Variants in PLEKHA5 observed in about 807,000 individuals in gnomAD.
The protein encoded by PLEKHA5 is pleckstrin homology domain-containing family A member 5.
A neutral mutation model predicts 181.9 loss-of-function variants in PLEKHA5; 55 were observed. The ratio of observed to expected loss-of-function variants is 0.30; its 90% confidence interval spans 0.24 to 0.38. PLEKHA5 has a LOEUF of 0.38. Among genes scored for constraint, PLEKHA5 ranks in the 10% least tolerant of loss-of-function variants. PLEKHA5 has a pLI of 1.00. For missense variants in PLEKHA5, 1,432 were observed against 1,549.5 expected (o/e 0.92, Z 1.27); for synonymous variants, 535 against 529.4 (o/e 1.01, Z -0.15).
Position 19,293,087 on chromosome 12 carries a change from C to T in PLEKHA5, c.2037+1390C>T, listed in dbSNP as rs1451492632. 4.6e-5 allele frequency among the ~76,000 whole-genome samples: 7 copies of T among 152,028 alleles called. No individual in the cohort carries two copies. The East Asian group carries it at 1.3e-3, about 29-fold the overall frequency. ...TTTTTTTATATAAATCAAGCTAAAA[C>T]TTATTCTAGCTTGTTTCAAAATGTC... On this transcript the variant is annotated intron_variant, in intron 15 of 31. Transcript: ENST00000429027.
At chr12:19,317,293 AACTGTGATTACGATTACACC>A (rs2089201875) in intron 16 of PLEKHA5, among the ~76,000 whole-genome samples, 1 of 152,032 alleles carries the variant, frequency 6.6e-6, no homozygotes, top group Non-Finnish European at 1.5e-5. Context: ...AGCTGCAATG[AACTGTGATTACGATTACACC>A]ACTGTGCTCT....
intron 15 of PLEKHA5, among the ~76,000 whole-genome samples, chr12:19,313,950 A>G (rs1223007594): frequency 2.0e-5 from 3 of 152,182 alleles, no homozygotes; most frequent in African/African-American, 4.8e-5. Context: ...CAACCACGAT[A>G]GAAATGCTTA....
intron 3 of PLEKHA5, among the ~76,000 whole-genome samples, chr12:19,209,999 C>T (rs749407745): frequency 4.6e-5 from 7 of 152,212 alleles, no homozygotes; most frequent in Non-Finnish European, 8.8e-5. Context: ...TCTCATCATC[C>T]TGTTTTGGCT....
At chr12:19,289,940 A>T (rs530714608) in intron 13 of PLEKHA5, among the ~76,000 whole-genome samples, 1 of 151,528 alleles carries the variant, frequency 6.6e-6, no homozygotes, top group African/African-American at 2.4e-5. Context: ...ATTTTTATTT[A>T]TTTTTTTATT....
intron 3 of PLEKHA5, among the ~76,000 whole-genome samples, chr12:19,197,250 T>G (rs2053029180): frequency 6.6e-6 from 1 of 152,180 alleles, no homozygotes; most frequent in Non-Finnish European, 1.5e-5. Flanking sequence ...TCTGGCCCTT[T>G]TCTCACTGCT....
intron 3 of PLEKHA5, among the ~76,000 whole-genome samples, chr12:19,174,621 C>G (rs564649529): frequency 4.9e-4 from 74 of 152,242 alleles, no homozygotes; most frequent in Non-Finnish European, 8.4e-4. Flanking sequence ...TTTCATTTTA[C>G]TGACCGATGA....
At chr12:19,195,783 C>T (rs573201503) in intron 3 of PLEKHA5, among the ~76,000 whole-genome samples, 136 of 149,814 alleles carry the variant, frequency 9.1e-4, no homozygotes, top group African/African-American at 3.1e-3. Flanking sequence ...TATATATATA[C>T]ACATACATAC....
chr12:19,232,764 G>A (rs2060826761), intron 3 of PLEKHA5, among the ~76,000 whole-genome samples: 1 of 152,100 alleles, frequency 6.6e-6, no homozygotes, highest in African/African-American at 2.4e-5. Context: ...AGAAAACCAA[G>A]ATGATAGCAT....
chr12:19,207,068 A>C (rs2055723784), intron 3 of PLEKHA5, among the ~76,000 whole-genome samples: 1 of 152,172 alleles, frequency 6.6e-6, no homozygotes, highest in South Asian at 2.1e-4. Flanking sequence ...AAAATATTTC[A>C]AGTGTATAAA....
intron 22 of PLEKHA5, among the ~76,000 whole-genome samples, chr12:19,344,472 T>C (rs1221599567): frequency 6.6e-6 from 1 of 152,240 alleles, no homozygotes; most frequent in Admixed American, 6.5e-5. Context: ...AATATATTTA[T>C]CCATTTCCAT....
Position 19,229,329 on chromosome 12 carries a change from G to A in PLEKHA5, c.228-24611G>A, listed in dbSNP as rs372211546. ...CAAGAATGAAGCCGCGGACCCTTGCGGTGAGTGTTACAGTTCTTAAAGGTG... is the reference window on the plus strand; with the variant it reads ...CAAGAATGAAGCCGCGGACCCTTGCAGTGAGTGTTACAGTTCTTAAAGGTG... On this transcript the variant is annotated intron_variant, in intron 3 of 31. Coordinates refer to ENST00000429027, the MANE Select transcript of PLEKHA5 (RefSeq NM_001256470.2). Among the ~76,000 whole-genome samples, 120 of 152,220 alleles carry A rather than the reference G, an allele frequency of 7.9e-4. 1 individual carries two copies. Among genetic ancestry groups the A allele is most frequent in the African/African-American group, 2.6e-3 (106 of 41,540 alleles).
At chr12:19,329,588 C>G (rs2092642063) in intron 20 of PLEKHA5, among the ~76,000 whole-genome samples, 1 of 152,080 alleles carries the variant, frequency 6.6e-6, no homozygotes, top group African/African-American at 2.4e-5. Flanking sequence ...AGGAATTTAT[C>G]TATTTCATCT....
At chr12:19,319,221 A>G (rs868630570) in intron 16 of PLEKHA5, among the ~76,000 whole-genome samples, 1 of 152,210 alleles carries the variant, frequency 6.6e-6, no homozygotes, top group Non-Finnish European at 1.5e-5. Context: ...TTCATTTTTC[A>G]TGTAATATTC....
intron 3 of PLEKHA5, among the ~76,000 whole-genome samples, chr12:19,202,381 A>G (rs147843997): frequency 1.1e-3 from 174 of 152,218 alleles, no homozygotes; most frequent in African/African-American, 4.0e-3. Context: ...CATCACCTTA[A>G]AACAAGACTC....
intron 3 of PLEKHA5, among the ~76,000 whole-genome samples, chr12:19,227,757 ATGG>A: frequency 6.6e-6 from 1 of 152,296 alleles, no homozygotes; most frequent in South Asian, 2.1e-4. Context: ...GAAAAAAAGA[ATGG>A]GCAGTGGATA....
intron 3 of PLEKHA5, among the ~76,000 whole-genome samples, chr12:19,223,434 C>T (rs1475364763): frequency 6.6e-6 from 1 of 152,028 alleles, no homozygotes; most frequent in Non-Finnish European, 1.5e-5. Context: ...TATACCAATA[C>T]TTTAGAACAC....
intron 2 of PLEKHA5, chr12:19,131,002 G>A (rs1036701363): frequency 1.3e-5 from 2 of 152,348 alleles, no homozygotes; most frequent in Non-Finnish European, 2.9e-5. Context: ...TGCTAAGTGT[G>A]AGTGGAGCTG....
intron 3 of PLEKHA5, among the ~76,000 whole-genome samples, chr12:19,161,068 C>CT (rs1192539167): frequency 2.0e-5 from 3 of 152,096 alleles, no homozygotes; most frequent in Non-Finnish European, 4.4e-5. Context: ...TTTAGTAAAT[C>CT]TGAGTTTTTA....
intron 3 of PLEKHA5, among the ~76,000 whole-genome samples, chr12:19,141,630 T>C (rs1439581302): frequency 1.3e-5 from 2 of 152,208 alleles, no homozygotes; most frequent in Admixed American, 1.3e-4. Context: ...GTTGAAGTTA[T>C]TCGGGATGGT....
Sources: allele counts gnomAD v4.1 joint callset (sites outside exome capture counted in the v4.1 genomes callset), GRCh38; gene constraint gnomAD v4.1.1; transcripts MANE v1.5; gene names NCBI Gene and HGNC (gene_info 2026-07-23, HGNC 2026-07-21).